Variants in NR3C2 observed in about 807,000 individuals in gnomAD.
The protein encoded by NR3C2 is mineralocorticoid receptor.
A neutral mutation model predicts 86.4 loss-of-function variants in NR3C2; 15 were observed. That is an observed-to-expected ratio of 0.17 (90% CI 0.12 to 0.27). The LOEUF (loss-of-function observed/expected upper bound fraction) is 0.27. Among genes scored for constraint, NR3C2 ranks in the 10% least tolerant of loss-of-function variants. The pLI is 1.00. For synonymous variants in NR3C2, 458 were observed against 450.5 expected (o/e 1.02, Z -0.21); for missense variants, 960 against 1,195.6 (o/e 0.80, Z 2.91).
intron 8 of NR3C2, among the ~76,000 whole-genome samples, chr4:148,110,340 G>A (rs1016518226): frequency 6.6e-5 from 10 of 152,312 alleles, no homozygotes; most frequent in Middle Eastern, 3.4e-3. Flanking sequence ...TGTCCTGAGA[G>A]CTGGCATACT....
At chr4:148,280,878 A>C (rs572467770) in intron 2 of NR3C2, among the ~76,000 whole-genome samples, 23 of 152,338 alleles carry the variant, frequency 1.5e-4, no homozygotes, top group Non-Finnish European at 2.9e-4. Flanking sequence ...TAAAGCTAAC[A>C]GTCACAGATT....
In NR3C2 at chr4:148,427,480, G is replaced by C. The variant is rs151000095; in HGVS notation, c.1757+7624C>G. 5.3e-4 allele frequency among the ~76,000 whole-genome samples: 81 copies of C among 151,990 alleles called. 1 individual carries two copies. In the East Asian group the frequency reaches 0.014, roughly 26 times the overall value. ...TATAGTTGGGTCTATCAAGCCCAAG[G>C]GTGGCTCAGAAACCTGATGTGGAAG... On this transcript the variant is annotated intron_variant, in intron 2 of 8. Coordinates refer to ENST00000358102, the MANE Select transcript of NR3C2 (RefSeq NM_000901.5).
At chr4:148,082,606 G>T (rs1730619350) in intron 8 of NR3C2, among the ~76,000 whole-genome samples, 1 of 151,384 alleles carries the variant, frequency 6.6e-6, no homozygotes, top group African/African-American at 2.4e-5. Context: ...TGCCACCAGG[G>T]CCCTGGGTTT....
intron 2 of NR3C2, among the ~76,000 whole-genome samples, chr4:148,330,134 T>C (rs2149966905): frequency 6.6e-6 from 1 of 152,308 alleles, no homozygotes; most frequent in South Asian, 2.1e-4. Flanking sequence ...TTAATGCAAG[T>C]AGAAAAAAAT....
chr4:148,154,537 A>G lies in NR3C2; in HGVS notation c.2365+14T>C, dbSNP rs1734258700. On this transcript the variant is annotated intron_variant, in intron 5 of 8. Coordinates refer to ENST00000358102, the MANE Select transcript of NR3C2 (RefSeq NM_000901.5). ...AGTTCAGGATGCAGCCTGTGAAAGG[A>G]GAGGCAATCCTACCTGGAAGTACCT... The G allele has an allele frequency of 6.2e-7, 1 of 1,612,252 alleles. No individual in the cohort carries two copies. The highest frequency in any genetic ancestry group is 8.5e-7 in the Non-Finnish European group (1 of 1,178,352).
At chr4:148,103,080 G>T (rs1399007855) in intron 8 of NR3C2, among the ~76,000 whole-genome samples, 2 of 152,150 alleles carry the variant, frequency 1.3e-5, no homozygotes, top group Non-Finnish European at 2.9e-5. Flanking sequence ...CCCTTGGGAT[G>T]TTAACTCCTT....
intron 2 of NR3C2, among the ~76,000 whole-genome samples, chr4:148,410,069 T>C (rs1005351328): frequency 2.0e-5 from 3 of 152,120 alleles, no homozygotes; most frequent in African/African-American, 4.8e-5. Flanking sequence ...GTACGTCACA[T>C]AAAAAATTAG....
chr4:148,246,056 G>C (rs1280247959), intron 3 of NR3C2, among the ~76,000 whole-genome samples: 2 of 151,778 alleles, frequency 1.3e-5, no homozygotes, highest in Admixed American at 1.3e-4. Context: ...AGAAGCCTAA[G>C]TGTAAGAAAC....
intron 2 of NR3C2, among the ~76,000 whole-genome samples, chr4:148,272,123 A>C (rs1476900436): frequency 6.6e-6 from 1 of 152,188 alleles, no homozygotes; most frequent in Non-Finnish European, 1.5e-5. Context: ...ACACACAAAA[A>C]TCCTGATAAT....
chr4:148,336,747 A>G (rs1361531067), intron 2 of NR3C2, among the ~76,000 whole-genome samples: 2 of 152,310 alleles, frequency 1.3e-5, no homozygotes, highest in Non-Finnish European at 2.9e-5. Flanking sequence ...TGTATTACCT[A>G]ATCATTAAAA....
At chr4:148,283,271 A>G (rs1741339265) in intron 2 of NR3C2, among the ~76,000 whole-genome samples, 3 of 152,250 alleles carry the variant, frequency 2.0e-5, no homozygotes, top group Admixed American at 2.0e-4. Flanking sequence ...CAGGAAAAAC[A>G]TAAGCACCAT....
intron 4 of NR3C2, among the ~76,000 whole-genome samples, chr4:148,184,863 G>A (rs868561304): frequency 2.0e-5 from 3 of 152,278 alleles, no homozygotes; most frequent in Middle Eastern, 3.4e-3. Context: ...GTGCACTAGA[G>A]ACACCAGAAA....
intron 2 of NR3C2, among the ~76,000 whole-genome samples, chr4:148,432,507 A>G (rs1227618127): frequency 6.6e-6 from 1 of 152,144 alleles, no homozygotes; most frequent in Non-Finnish European, 1.5e-5. Context: ...TGACTGTGTG[A>G]ACTTCCTTGA....
chr4:148,372,594 CTTTAT>C (rs1746473274), intron 2 of NR3C2, among the ~76,000 whole-genome samples: 2 of 152,088 alleles, frequency 1.3e-5, no homozygotes, highest in South Asian at 4.1e-4. Flanking sequence ...TTCACAGCAA[CTTTAT>C]TTTAAATAAT....
intron 6 of NR3C2, among the ~76,000 whole-genome samples, chr4:148,144,245 C>G (rs1733759050): frequency 6.6e-6 from 1 of 152,076 alleles, no homozygotes; most frequent in Non-Finnish European, 1.5e-5. Context: ...TGCTCTGTCA[C>G]CCAGGCTGGG....
At chr4:148,301,222 TA>T (rs541861951) in intron 2 of NR3C2, among the ~76,000 whole-genome samples, 5 of 152,004 alleles carry the variant, frequency 3.3e-5, no homozygotes, top group African/African-American at 9.6e-5. Flanking sequence ...TAATGTCTAT[TA>T]AAAAAAAGAG....
upstream of NR3C2, chr4:148,443,993 G>A (rs1408068004): frequency 1.0e-6 from 1 of 984,842 alleles, no homozygotes; most frequent in Non-Finnish European, 1.2e-6. Flanking sequence ...CCAGCTTGGA[G>A]CTGCCCCCGG....
At chr4:148,205,200 C>T (rs1302209821) in intron 3 of NR3C2, among the ~76,000 whole-genome samples, 1 of 152,186 alleles carries the variant, frequency 6.6e-6, no homozygotes, top group East Asian at 1.9e-4. Flanking sequence ...CAAAGGACAA[C>T]TGAATCATAA....
chr4:148,344,826 A>C (rs533872375), intron 2 of NR3C2, among the ~76,000 whole-genome samples: 1 of 152,300 alleles, frequency 6.6e-6, no homozygotes, highest in South Asian at 2.1e-4. Flanking sequence ...TAATACTGTA[A>C]AGAAGAGTAA....
Sources: gnomAD v4.1 joint callset for allele counts (sites outside exome capture counted in the v4.1 genomes callset) on GRCh38, gnomAD v4.1.1 for gene constraint, MANE v1.5 for transcripts, NCBI Gene and HGNC (gene_info 2026-07-23, HGNC 2026-07-21) for gene names.